Variants in PHACTR2 observed in about 807,000 individuals in gnomAD.
PHACTR2 encodes the protein phosphatase and actin regulator 2, also known as chromosome 6 open reading frame 56.
PHACTR2 carries 30 observed loss-of-function variants against 76.0 expected under a neutral mutation model. That is an observed-to-expected ratio of 0.39 (90% confidence interval 0.30 to 0.54). The LOEUF (loss-of-function observed/expected upper bound fraction) is 0.54, where lower values mean the gene tolerates loss of function less well. Ranked by LOEUF, PHACTR2 falls within the 20% of genes least tolerant of loss-of-function variation. The pLI, the probability that PHACTR2 is intolerant of heterozygous loss-of-function variation, is 0.61. For missense variants in PHACTR2, 696 were observed against 781.1 expected (o/e 0.89, Z 1.30); for synonymous variants, 292 against 292.5 (o/e 1.00, Z 0.02).
At chr6:143,560,882 G>GGTGTGTGTGTGTGT (rs36070460) in intron 1 of PHACTR2, among the ~76,000 whole-genome samples, 20 of 133,014 alleles carry the variant, frequency 1.5e-4, no homozygotes, top group African/African-American at 5.5e-4. Context: ...AAAGCAGAGG[G>GGTGTGTGTGTGTGT]GTGTGTGTGT....
At chr6:143,566,222 C>T (rs1007183179) in intron 1 of PHACTR2, among the ~76,000 whole-genome samples, 24 of 152,020 alleles carry the variant, frequency 1.6e-4, no homozygotes, top group African/African-American at 5.8e-4. Context: ...CCTCAGCCTC[C>T]CAAAGTGCTG....
intron 1 of PHACTR2, among the ~76,000 whole-genome samples, chr6:143,582,935 G>T (rs141815733): frequency 1.4e-4 from 22 of 152,208 alleles, no homozygotes; most frequent in African/African-American, 4.8e-4. Context: ...GAGATTTTAG[G>T]TATAAAAATA....
Position 143,823,756 on chromosome 6 carries a change from C to T in PHACTR2, c.*67C>T. On this transcript the variant is annotated 3_prime_UTR_variant, in exon 13 of 13. Transcript: ENST00000440869. The surrounding 1 kb of genome is among the most constrained non-coding windows in gnomAD (Gnocchi z 5.7). ...GGGGGAAGCCCTGCTTCCTGAAAACCTGATATTGCACTGGGATTTGAATGT... is the reference window on the plus strand; with the variant it reads ...GGGGGAAGCCCTGCTTCCTGAAAACTTGATATTGCACTGGGATTTGAATGT... 8.1e-7 allele frequency: 1 copy of T among 1,234,550 alleles called. No homozygotes were observed. Among genetic ancestry groups the T allele is most frequent in the Non-Finnish European group, 1.2e-6 (1 of 834,748 alleles). 76.5% of individuals were successfully genotyped at this position (1,234,550 alleles called of 1,614,324 possible). A position where few individuals can be genotyped will look rare whatever the true frequency, so the allele number is the denominator to read the frequency against.
chr6:143,788,969 C>T (rs1775617830), intron 11 of PHACTR2, 59 bp downstream of exon 11: 1 of 1,485,252 alleles, frequency 6.7e-7, no homozygotes, highest in Non-Finnish European at 9.4e-7. Context: ...CTCCAATATC[C>T]ACATCCCCCC....
rs1582819189 is a variant in PHACTR2, at chr6:143,730,372, G to T, written c.214+18189G>T. On this transcript the variant is annotated intron_variant, in intron 2 of 12. Coordinates refer to ENST00000440869, the MANE Select transcript of PHACTR2 (RefSeq NM_001100164.2). The surrounding 1 kb of genome is among the most constrained non-coding windows in gnomAD (Gnocchi z 4.8). ...TTTTTATTAGCTTTTGAAGTTTTTAGAAAACAGTTAATAAGTTTATACTTC... is the reference window on the plus strand; with the variant it reads ...TTTTTATTAGCTTTTGAAGTTTTTATAAAACAGTTAATAAGTTTATACTTC... Among the ~76,000 whole-genome samples, 1 of 151,926 alleles carries T rather than the reference G, an allele frequency of 6.6e-6. No individual in the cohort carries two copies. The highest frequency in any genetic ancestry group is 1.9e-4 in the East Asian group (1 of 5,198).
chr6:143,763,413 G>T (rs957701265), intron 5 of PHACTR2, among the ~76,000 whole-genome samples: 1 of 152,174 alleles, frequency 6.6e-6, no homozygotes, highest in Non-Finnish European at 1.5e-5. Flanking sequence ...TTGTTATGTG[G>T]AAAGGATTCT....
Position 143,610,683 on chromosome 6 carries a change from G to T in PHACTR2, c.13+2361G>T, listed in dbSNP as rs1200054271. Among the ~76,000 whole-genome samples the T allele has an allele frequency of 6.6e-6, 1 of 152,166 alleles. No homozygotes were observed. The highest frequency in any genetic ancestry group is 1.5e-5 in the Non-Finnish European group (1 of 68,024). ...ACTCCGGCCCTTTTGGTGGGTGTGT[G>T]TACATTTCAGCTATCATGGCATTGT... On this transcript the variant is annotated intron_variant, in intron 1 of 11. Coordinates refer to the PHACTR2 transcript ENST00000305766. The surrounding 1 kb of genome is among the most constrained non-coding windows in gnomAD (Gnocchi z 4.9).
rs1778093801 is a variant in PHACTR2 at position 143,708,142 on chromosome 6, A to G, written c.47-3874A>G. Among the ~76,000 whole-genome samples, 1 of 152,172 alleles carries G rather than the reference A, an allele frequency of 6.6e-6. No homozygotes were observed. Among genetic ancestry groups the G allele is most frequent in the African/African-American group, 2.4e-5 (1 of 41,434 alleles). Reference sequence around the variant, plus strand: ...ATCAATATGATAATTATCTAGCCTCATTTATTTTTGGCTTATATGGTCACA... The same window carrying G: ...ATCAATATGATAATTATCTAGCCTCGTTTATTTTTGGCTTATATGGTCACA... On this transcript the variant is annotated intron_variant, in intron 1 of 12. Transcript: ENST00000440869. This position sits in a 1 kb window ranked among gnomAD's most constrained non-coding sequence, Gnocchi z 5.5.
rs754628103 is a variant in PHACTR2 at position 143,780,375 on chromosome 6, G to A, written c.1646-2844G>A. Among the ~76,000 whole-genome samples, 2 of 152,078 alleles carry A rather than the reference G, an allele frequency of 1.3e-5. No homozygotes were observed. Among genetic ancestry groups the A allele is most frequent in the Non-Finnish European group, 2.9e-5 (2 of 68,018 alleles). Reference sequence around the variant, plus strand: ...GCCTGTAATCCCAAAGCCTTGTGAGGCCAAGGCAGGAGAATTGCTTGATGC... The same window carrying A: ...GCCTGTAATCCCAAAGCCTTGTGAGACCAAGGCAGGAGAATTGCTTGATGC... On this transcript the variant is annotated intron_variant, in intron 9 of 12. Coordinates refer to ENST00000440869, the MANE Select transcript of PHACTR2 (RefSeq NM_001100164.2). This position sits in a 1 kb window ranked among gnomAD's most constrained non-coding sequence, Gnocchi z 4.4.
In PHACTR2 at chr6:143,624,106, T is replaced by G. The variant is rs376898257; in HGVS notation, c.13+15784T>G. 1.3e-3 allele frequency among the ~76,000 whole-genome samples: 192 copies of G among 152,080 alleles called. 1 individual carries two copies. The highest frequency in any genetic ancestry group is 4.2e-3 in the African/African-American group (173 of 41,480). On this transcript the variant is annotated intron_variant, in intron 1 of 11. Coordinates refer to the PHACTR2 transcript ENST00000305766. The surrounding 1 kb of genome is among the most constrained non-coding windows in gnomAD (Gnocchi z 4.6). ...TCTTGTTAATTTTTTTTGTTGTTTT[T>G]TTTGTTTGTTTGTTTGTTTTTAGAC...
At position 143,696,039 on chromosome 6, in the gene PHACTR2, A is replaced by T. The variant is rs1420033764; in HGVS notation, c.47-15977A>T. 6.6e-6 allele frequency among the ~76,000 whole-genome samples: 1 copy of T among 152,210 alleles called. No homozygotes were observed. The highest frequency in any genetic ancestry group is 1.5e-5 in the Non-Finnish European group (1 of 68,030). ...TATGTTTGTTGGTTTGATTTTTAAAATTTTTTATTTTTTGCAGGTGCAAGC... is the reference window on the plus strand; with the variant it reads ...TATGTTTGTTGGTTTGATTTTTAAATTTTTTTATTTTTTGCAGGTGCAAGC... On this transcript the variant is annotated intron_variant, in intron 1 of 12. Coordinates refer to ENST00000440869, the MANE Select transcript of PHACTR2 (RefSeq NM_001100164.2). The surrounding 1 kb of genome is among the most constrained non-coding windows in gnomAD (Gnocchi z 4.1).
rs1170143024 is a variant in PHACTR2 at position 143,777,714 on chromosome 6, A to G, written c.1645+331A>G. 1.3e-5 allele frequency among the ~76,000 whole-genome samples: 2 copies of G among 152,218 alleles called. No homozygotes were observed. Among genetic ancestry groups the G allele is most frequent in the Admixed American group, 1.3e-4 (2 of 15,272 alleles). The stretch of plus-strand genomic sequence containing the variant: ...AGAATGCTCTAGTCTTCTCGCAAAT[A>G]AATGTCAAAGAAAAGGCCAAAAGAA... On this transcript the variant is annotated intron_variant, in intron 9 of 12. Coordinates refer to ENST00000440869, the MANE Select transcript of PHACTR2 (RefSeq NM_001100164.2). The surrounding 1 kb of genome is among the most constrained non-coding windows in gnomAD (Gnocchi z 4.6).
Position 143,739,183 on chromosome 6 carries a change from G to T in PHACTR2, c.215-9802G>T, listed in dbSNP as rs1778886237. Among the ~76,000 whole-genome samples, 2 of 152,160 alleles carry T rather than the reference G, an allele frequency of 1.3e-5. No homozygotes were observed. The highest frequency in any genetic ancestry group is 4.8e-5 in the African/African-American group (2 of 41,432). ...GGGTTCACTCCGTTCTCCTGCCTCAGCCTCCCAAGTAGCTGGGACTATAGG... is the reference window on the plus strand; with the variant it reads ...GGGTTCACTCCGTTCTCCTGCCTCATCCTCCCAAGTAGCTGGGACTATAGG... On this transcript the variant is annotated intron_variant, in intron 2 of 12. Transcript: ENST00000440869. This position sits in a 1 kb window ranked among gnomAD's most constrained non-coding sequence, Gnocchi z 4.3.
intron 4 of PHACTR2, among the ~76,000 whole-genome samples, chr6:143,758,835 G>A (rs1779365881): frequency 6.6e-6 from 1 of 152,122 alleles, no homozygotes; most frequent in Non-Finnish European, 1.5e-5. Context: ...AGTCATCTAT[G>A]CTAATTATAT....
chr6:143,557,398 A>T lies in PHACTR2; in HGVS notation c.217+20191A>T, dbSNP rs1402257339. ...TTTAAAGCCAAGTCTTCTGAGTCCAAGTTCAGGGCTGCTGCCGTAACCCCA... is the reference window on the plus strand; with the variant it reads ...TTTAAAGCCAAGTCTTCTGAGTCCATGTTCAGGGCTGCTGCCGTAACCCCA... On this transcript the variant is annotated intron_variant, in intron 1 of 11. Transcript: ENST00000367584. This position sits in a 1 kb window ranked among gnomAD's most constrained non-coding sequence, Gnocchi z 5.5. 6.6e-6 allele frequency: 1 copy of T among 152,234 alleles called. No homozygotes were observed. Among genetic ancestry groups the T allele is most frequent in the Non-Finnish European group, 1.5e-5 (1 of 68,068 alleles). 9.4% of individuals were successfully genotyped at this position (152,234 alleles called of 1,614,324 possible). A position where few individuals can be genotyped will look rare whatever the true frequency, so the allele number is the denominator to read the frequency against.
At position 143,583,700 on chromosome 6, in the gene PHACTR2, T is replaced by C. The variant is rs1375076980; in HGVS notation, c.217+46493T>C. Among the ~76,000 whole-genome samples the C allele has an allele frequency of 6.6e-6, 1 of 152,210 alleles. No individual in the cohort carries two copies. Among genetic ancestry groups the C allele is most frequent in the Non-Finnish European group, 1.5e-5 (1 of 68,044 alleles). On this transcript the variant is annotated intron_variant, in intron 1 of 11. Coordinates refer to the PHACTR2 transcript ENST00000367584. This position sits in a 1 kb window ranked among gnomAD's most constrained non-coding sequence, Gnocchi z 4.0. ...TTTGCCAGTTATACACCCAAAGACT[T>C]TGGACATTGGTGTGGAAATACATTT...
Position 143,753,498 on chromosome 6 carries a change from TG to T in PHACTR2, c.296-253del, listed in dbSNP as rs1330432340. Among the ~76,000 whole-genome samples, 1 of 152,190 alleles carries T rather than the reference TG, an allele frequency of 6.6e-6. No homozygotes were observed. Among genetic ancestry groups the T allele is most frequent in the South Asian group, 2.1e-4 (1 of 4,826 alleles). ...ACATGAACGAGGGACTCTGCTGCCC[TG>T]GGATATTGGATAATTAGGATGATCA... is the stretch of plus-strand genomic sequence containing the variant. On this transcript the variant is annotated intron_variant, in intron 3 of 12. Coordinates refer to ENST00000440869, the MANE Select transcript of PHACTR2 (RefSeq NM_001100164.2). The surrounding 1 kb of genome is among the most constrained non-coding windows in gnomAD (Gnocchi z 4.6).
At chr6:143,542,589 A>G (rs542747805) in intron 1 of PHACTR2, among the ~76,000 whole-genome samples, 1 of 152,148 alleles carries the variant, frequency 6.6e-6, no homozygotes, top group Admixed American at 6.5e-5. Context: ...CTTATTCTCT[A>G]ATCAAAACAG....
rs1043776872 is a variant in PHACTR2 at position 143,731,736 on chromosome 6, A to G, written c.215-17249A>G. ...ATCAGGGCAACACCAACTTTATACA[A>G]TCAGTTGGCAACTGTTCCCTCCTCT... On this transcript the variant is annotated intron_variant, in intron 2 of 12. Transcript: ENST00000440869. This position sits in a 1 kb window ranked among gnomAD's most constrained non-coding sequence, Gnocchi z 4.9. Among the ~76,000 whole-genome samples the G allele has an allele frequency of 1.4e-4, 21 of 152,214 alleles. 1 individual carries two copies. Among genetic ancestry groups the G allele is most frequent in the African/African-American group, 2.4e-5 (1 of 41,458 alleles).
Sources: allele counts gnomAD v4.1 joint callset (sites outside exome capture counted in the v4.1 genomes callset), GRCh38; gene constraint gnomAD v4.1.1; non-coding constraint Gnocchi (gnomAD v3.1); transcripts MANE v1.5; gene names NCBI Gene and HGNC (gene_info 2026-07-23, HGNC 2026-07-21).